CSMD1: variants seen among roughly 807,000 people sequenced by gnomAD.
The protein encoded by CSMD1 is CUB and sushi domain-containing protein 1.
In CSMD1, 213 loss-of-function variants were observed where a neutral mutation model predicts 417.5. The observed-to-expected ratio is 0.51, with a 90% CI of 0.46 to 0.57. The LOEUF is 0.57. CSMD1 is among the 20% of genes least tolerant of loss of function. CSMD1 has a pLI of 0.00. For missense variants in CSMD1, 6,923 were observed against 4,529.7 expected (o/e 1.53, Z -15.17); for synonymous variants, 2,862 against 1,736.8 (o/e 1.65, Z -16.11).
chr8:4,918,106 T>A (rs879919968), intron 1 of CSMD1, among the ~76,000 whole-genome samples: 1 of 152,020 alleles, frequency 6.6e-6, no homozygotes, highest in Non-Finnish European at 1.5e-5. Context: ...AAAGAAAATA[T>A]GTATTCTATT....
At chr8:4,301,394 G>A (rs1414956567) in intron 3 of CSMD1, among the ~76,000 whole-genome samples, 1 of 152,110 alleles carries the variant, frequency 6.6e-6, no homozygotes, top group Admixed American at 6.6e-5. Flanking sequence ...CTTTGATTCT[G>A]TTGTGTCTCC....
chr8:3,219,140 C>T (rs1269737157), intron 29 of CSMD1, 115 bp downstream of exon 29: 1 of 765,024 alleles, frequency 1.3e-6, no homozygotes, highest in African/African-American at 1.8e-5. Flanking sequence ...ACAGAGGAGA[C>T]ACATATCAGC....
At chr8:3,584,543 G>C (rs564645376) in intron 9 of CSMD1, among the ~76,000 whole-genome samples, 2 of 152,252 alleles carry the variant, frequency 1.3e-5, no homozygotes, top group South Asian at 4.1e-4. Context: ...CTCTGAGTGT[G>C]TGATATCTTT....
intron 5 of CSMD1, among the ~76,000 whole-genome samples, chr8:3,866,512 G>T (rs149244073): frequency 1.5e-3 from 230 of 152,282 alleles, no homozygotes; most frequent in African/African-American, 5.1e-3. Flanking sequence ...ACGTGGTAAA[G>T]CATCATGATC....
At position 4,655,935 on chromosome 8, in the gene CSMD1, G is replaced by A. The variant is rs62486735; in HGVS notation, c.86-18377C>T. ...TGGACACTGTGTTAGGCTCAGAGAAGACACAGATCTGTGCTCCCTGGAGTT... is the reference window on the plus strand; with the variant it reads ...TGGACACTGTGTTAGGCTCAGAGAAAACACAGATCTGTGCTCCCTGGAGTT... On this transcript the variant is annotated intron_variant, in intron 1 of 69. Transcript: ENST00000635120. Among the ~76,000 whole-genome samples the A allele has an allele frequency of 5.6e-3, 848 of 152,240 alleles. 4 individuals are homozygous for A. The highest frequency in any genetic ancestry group is 9.0e-3 in the Admixed American group (138 of 15,306).
At chr8:3,651,638 C>T (rs1797862924) in intron 7 of CSMD1, among the ~76,000 whole-genome samples, 1 of 152,104 alleles carries the variant, frequency 6.6e-6, no homozygotes, top group South Asian at 2.1e-4. Context: ...CTCTATTTTA[C>T]CTCAGAGCAC....
intron 5 of CSMD1, among the ~76,000 whole-genome samples, chr8:3,904,158 T>G (rs534448424): frequency 1.3e-5 from 2 of 152,310 alleles, no homozygotes; most frequent in East Asian, 1.9e-4. Context: ...TTATTTTCAC[T>G]TTGCTACAAT....
chr8:3,983,429 C>T (rs529052140), intron 5 of CSMD1, among the ~76,000 whole-genome samples: 7 of 152,002 alleles, frequency 4.6e-5, no homozygotes, highest in African/African-American at 7.2e-5. Flanking sequence ...CGCGCCCGGC[C>T]GCAGCCTCCC....
chr8:4,211,851 A>G (rs1215625912), intron 3 of CSMD1, among the ~76,000 whole-genome samples: 2 of 152,194 alleles, frequency 1.3e-5, no homozygotes, highest in African/African-American at 4.8e-5. Flanking sequence ...GTGAGAAAAC[A>G]CTAACTTGCT....
intron 12 of CSMD1, among the ~76,000 whole-genome samples, chr8:3,434,760 C>A: frequency 6.6e-6 from 1 of 152,124 alleles, no homozygotes; most frequent in Non-Finnish European, 1.5e-5. Context: ...TTGTCTGCTC[C>A]CATCTTGTAT....
At position 4,268,688 on chromosome 8, in the gene CSMD1, G is replaced by C. The variant is rs564498309; in HGVS notation, c.415+151265C>G. On this transcript the variant is annotated intron_variant, in intron 3 of 69. Transcript: ENST00000635120. ...TACATACAAAATAAGGAAGATATAT[G>C]TGTATCTCAATTTTTTTTGAAGTAA... Among the ~76,000 whole-genome samples, 9 of 152,058 alleles carry C rather than the reference G, an allele frequency of 5.9e-5. 1 individual carries two copies. In the South Asian group the frequency reaches 1.7e-3, roughly 28 times the overall value.
At chr8:3,931,577 C>G (rs1371692026) in intron 5 of CSMD1, among the ~76,000 whole-genome samples, 3 of 149,944 alleles carry the variant, frequency 2.0e-5, no homozygotes, top group Non-Finnish European at 4.4e-5. Context: ...AGGCAGCAGT[C>G]AGTGCCATGA....
At chr8:4,517,844 A>G (rs1803208135) in intron 2 of CSMD1, among the ~76,000 whole-genome samples, 1 of 152,212 alleles carries the variant, frequency 6.6e-6, no homozygotes, top group African/African-American at 2.4e-5. Context: ...CAGTTGTCAG[A>G]TGCAAAAGCC....
At chr8:4,373,243 G>C (rs576739761) in intron 3 of CSMD1, among the ~76,000 whole-genome samples, 1 of 152,144 alleles carries the variant, frequency 6.6e-6, no homozygotes, top group Non-Finnish European at 1.5e-5. Context: ...CAGCCAAGAG[G>C]AGCCTACGAA....
At chr8:3,535,762 G>A (rs1798169306) in intron 10 of CSMD1, among the ~76,000 whole-genome samples, 1 of 152,160 alleles carries the variant, frequency 6.6e-6, no homozygotes, top group Non-Finnish European at 1.5e-5. Context: ...GTGCTTGGCA[G>A]TTCACACCTT....
intron 3 of CSMD1, among the ~76,000 whole-genome samples, chr8:4,297,088 G>C (rs1797726656): frequency 1.2e-3 from 1 of 820 alleles, no homozygotes; most frequent in African/African-American, 1.7e-3. Flanking sequence ...AAGAGCTTGG[G>C]GAGACTCTAG....
intron 38 of CSMD1, among the ~76,000 whole-genome samples, chr8:3,158,425 C>T (rs776140766): frequency 5.3e-5 from 8 of 151,810 alleles, no homozygotes; most frequent in South Asian, 2.1e-4. Context: ...TCTGTGCTTC[C>T]GCGTCACATG....
At chr8:3,702,826 C>G (rs1349656223) in intron 7 of CSMD1, among the ~76,000 whole-genome samples, 1 of 152,150 alleles carries the variant, frequency 6.6e-6, no homozygotes, top group East Asian at 1.9e-4. Flanking sequence ...GAGACTCTGT[C>G]TCAATAACAA....
At chr8:3,155,416 G>A (rs1453551638) in intron 39 of CSMD1, among the ~76,000 whole-genome samples, 11 of 96,894 alleles carry the variant, frequency 1.1e-4, no homozygotes, top group Non-Finnish European at 1.8e-4. Context: ...CACCCAGGAT[G>A]GAGTGCAGTG....
Sources: allele counts gnomAD v4.1 joint callset (sites outside exome capture counted in the v4.1 genomes callset), GRCh38; gene constraint gnomAD v4.1.1; transcripts MANE v1.5; gene names NCBI Gene and HGNC (gene_info 2026-07-23, HGNC 2026-07-21).